The following COL6A5 variants were observed in gnomAD, a reference collection of about 807,000 sequenced individuals.
COL6A5 encodes collagen alpha-5(VI) chain.
In COL6A5, 48 loss-of-function variants were observed where a neutral mutation model predicts 65.6. The ratio of observed to expected loss-of-function variants is 0.73; its 90% CI spans 0.58 to 0.93. The LOEUF (loss-of-function observed/expected upper bound fraction) is 0.93. Ranked by LOEUF, COL6A5 falls within the 40% of genes least tolerant of loss-of-function variation. The probability of loss-of-function intolerance (pLI) is 0.00; values close to 1 mark genes in which losing one functional copy is unlikely to be tolerated. For missense variants in COL6A5, 914 were observed against 928.3 expected (o/e 0.98, Z 0.20); for synonymous variants, 291 against 322.8 (o/e 0.90, Z 1.05).
At chr3:130,453,346 G>A (rs776447677) in intron 4 of COL6A5, among the ~76,000 whole-genome samples, 1 of 152,108 alleles carries the variant, frequency 6.6e-6, no homozygotes, top group Admixed American at 6.5e-5. Context: ...CACAATCCAC[G>A]TTCTTCTGAC....
intron 3 of COL6A5, among the ~76,000 whole-genome samples, chr3:130,441,473 T>A (rs1027710506): frequency 6.6e-6 from 1 of 152,160 alleles, no homozygotes; most frequent in Non-Finnish European, 1.5e-5. Context: ...AGAGTAAACA[T>A]CTAGAAACTT....
chr3:130,380,534 T>A (rs1398789884), intron 4 of COL6A5, among the ~76,000 whole-genome samples: 1 of 152,134 alleles, frequency 6.6e-6, no homozygotes, highest in Non-Finnish European at 1.5e-5. Flanking sequence ...TACCACATTG[T>A]ATGTATCAGT....
chr3:130,408,905 A>G (rs1019387799), intron 17 of COL6A5, among the ~76,000 whole-genome samples: 24 of 152,220 alleles, frequency 1.6e-4, no homozygotes, highest in African/African-American at 5.8e-4. Context: ...ACTGGCTAGG[A>G]TGTCCAATAC....
intron 20 of COL6A5, among the ~76,000 whole-genome samples, chr3:130,411,501 A>G (rs779684449): frequency 6.6e-5 from 10 of 152,174 alleles, no homozygotes; most frequent in Non-Finnish European, 1.2e-4. Context: ...TTGAACCACA[A>G]TTCTTAAAGG....
exon 5 of COL6A5, chr3:130,455,580 T>C: frequency 6.2e-7 from 1 of 1,613,174 alleles, no homozygotes; most frequent in Non-Finnish European, 8.5e-7. Context: ...TTGGTTTACC[T>C]TCCAAGCCAA....
At chr3:130,385,125 G>T (rs1175377764) in exon 5 of COL6A5, 1 of 1,551,086 alleles carries the variant, frequency 6.4e-7, no homozygotes, top group South Asian at 1.2e-5. Flanking sequence ...GATAGAATGA[G>T]CAAGGTTCCC....
chr3:130,470,936 C>A (rs983022182), exon 7 of COL6A5: 3 of 1,612,036 alleles, frequency 1.9e-6, no homozygotes, highest in Non-Finnish European at 1.7e-6. Context: ...CTCTCCCAAC[C>A]CAGAGAACGG....
chr3:130,434,206 T>C (rs1057023369), intron 1 of COL6A5, among the ~76,000 whole-genome samples: 1 of 152,180 alleles, frequency 6.6e-6, no homozygotes, highest in Non-Finnish European at 1.5e-5. Context: ...TCTGTTCCTG[T>C]GTTAGTTTGC....
At chr3:130,469,088 G>T in exon 6 of COL6A5, 1 of 1,612,952 alleles carries the variant, frequency 6.2e-7, no homozygotes, top group Non-Finnish European at 8.5e-7. Flanking sequence ...ATTTGATTTG[G>T]TTACTTATAA....
chr3:130,383,964 C>T (rs542403749), intron 4 of COL6A5, among the ~76,000 whole-genome samples: 3 of 152,118 alleles, frequency 2.0e-5, no homozygotes, highest in Admixed American at 2.0e-4. Context: ...TGGTAAGAAA[C>T]AGGCCATGCT....
chr3:130,388,846 G>A (rs1309284518), exon 6 of COL6A5: 5 of 1,551,332 alleles, frequency 3.2e-6, no homozygotes, highest in Admixed American at 2.0e-5. Flanking sequence ...AACTGGAAAG[G>A]CACTAAATTT....
chr3:130,451,976 A>G (rs1015892937), intron 4 of COL6A5, among the ~76,000 whole-genome samples: 78 of 152,298 alleles, frequency 5.1e-4, no homozygotes, highest in Admixed American at 1.6e-3. Context: ...TTGCACCAAC[A>G]CGATCCCATA....
At position 130,376,668 on chromosome 3, in the gene COL6A5, G is replaced by A. The variant is rs771904641; in HGVS notation, c.499G>A (p.Val167Met). 36 of 1,613,362 alleles carry A rather than the reference G, an allele frequency of 2.2e-5. No individual in the cohort carries two copies. Among genetic ancestry groups the A allele is most frequent in the Middle Eastern group, 1.6e-4 (1 of 6,080 alleles). ...GAAAGACGGGGTGAAAATTATCTCC[G>A]TGGGGGTGCAGAAAGCTTCTGAGGA... Residue 167 changes from valine to methionine, a missense_variant and NMD_transcript_variant, in exon 3 of 42, where the codon GTG becomes ATG. Coordinates refer to the COL6A5 transcript ENST00000312481.
chr3:130,478,511 T>G (rs1710154092), intron 7 of COL6A5, among the ~76,000 whole-genome samples: 1 of 152,082 alleles, frequency 6.6e-6, no homozygotes, highest in Non-Finnish European at 1.5e-5. Flanking sequence ...AAAGGCTCCA[T>G]CTACCTGAGA....
intron 20 of COL6A5, among the ~76,000 whole-genome samples, chr3:130,411,662 A>G (rs570197798): frequency 2.6e-5 from 4 of 152,314 alleles, no homozygotes; most frequent in African/African-American, 9.6e-5. Context: ...AATTTTAAAG[A>G]TAAGTGTGTA....
chr3:130,422,968 C>T (rs1360531636), intron 28 of COL6A5, among the ~76,000 whole-genome samples, 186 bp downstream of exon 28: 1 of 152,044 alleles, frequency 6.6e-6, no homozygotes, highest in Admixed American at 6.6e-5. Flanking sequence ...AACTTAGTGA[C>T]ATCTAAGGTC....
At position 130,483,510 on chromosome 3, in the gene COL6A5, T is replaced by TA. The variant is rs564958216; in HGVS notation, c.2329-522dup. Among the ~76,000 whole-genome samples, 18 of 152,292 alleles carry TA rather than the reference T, an allele frequency of 1.2e-4. No homozygotes were observed. In the East Asian group the frequency reaches 3.3e-3, roughly 28 times the overall value. Reference sequence around the variant, plus strand: ...GTCAAGAGCTGCTGTGGAGAGAATGTAAACTCCAGGTGCTCATAGTGCATG... The same window carrying TA: ...GTCAAGAGCTGCTGTGGAGAGAATGTAAAACTCCAGGTGCTCATAGTGCATG... On this transcript the variant is annotated intron_variant, in intron 7 of 7. Coordinates refer to ENST00000512836, the Ensembl canonical transcript of COL6A5.
Position 130,406,257 on chromosome 3 carries a change from T to C in COL6A5, c.4426-11T>C. ...TTAAGTGGGAATTTTGTTTTTCTTG[T>C]CTTCTTTTAGGGCTGTCATGGATTT... On this transcript the variant is annotated splice_polypyrimidine_tract_variant and intron_variant and NMD_transcript_variant, in intron 16 of 41. Transcript: ENST00000312481. The C allele has an allele frequency of 6.4e-7, 1 of 1,550,542 alleles. No individual in the cohort carries two copies.
chr3:130,386,441 G>A (rs570554504), intron 5 of COL6A5, among the ~76,000 whole-genome samples: 89 of 152,148 alleles, frequency 5.8e-4, no homozygotes, highest in African/African-American at 1.8e-3. Context: ...AACTGAAAAC[G>A]TGTTTGAATT....
Sources: gnomAD v4.1 joint callset for allele counts (sites outside exome capture counted in the v4.1 genomes callset) on GRCh38, gnomAD v4.1.1 for gene constraint, MANE v1.5 for transcripts, NCBI Gene and HGNC (gene_info 2026-07-23, HGNC 2026-07-21) for gene names.